Variants in DOK6 observed in about 807,000 individuals in gnomAD.
DOK6 encodes the protein downstream of tyrosine kinase 6.
DOK6 carries 22 observed loss-of-function variants against 44.0 expected under a neutral mutation model. The ratio of observed to expected loss-of-function variants is 0.50; its 90% CI spans 0.36 to 0.71. The LOEUF is 0.71. Ranked by LOEUF, DOK6 falls within the 30% of genes least tolerant of loss-of-function variation. The probability of loss-of-function intolerance (pLI) is 0.00; values close to 1 mark genes in which losing one functional copy is unlikely to be tolerated. For synonymous variants in DOK6, 166 were observed against 145.5 expected (o/e 1.14, Z -1.01); for missense variants, 340 against 416.4 (o/e 0.82, Z 1.60).
intron 3 of DOK6, among the ~76,000 whole-genome samples, chr18:69,606,320 AT>A (rs1232120093): frequency 2.5e-3 from 294 of 117,630 alleles, no homozygotes; most frequent in African/African-American, 8.0e-3. Context: ...AAATAAATAA[AT>A]AAATAAAATT....
At chr18:69,469,866 C>A in intron 1 of DOK6, 1 of 234,132 alleles carries the variant, frequency 4.3e-6, no homozygotes, top group South Asian at 4.1e-5. Flanking sequence ...CTGTTTGTGC[C>A]GACCCTTCCC....
chr18:69,449,521 C>T (rs1474856343), intron 1 of DOK6, among the ~76,000 whole-genome samples: 1 of 152,184 alleles, frequency 6.6e-6, no homozygotes, highest in Non-Finnish European at 1.5e-5. Context: ...TTTATTGGGT[C>T]TTAAATAATA....
chr18:69,605,127 T>TGTGTGTGTGTGTGTGTG (rs1983967051), intron 3 of DOK6, among the ~76,000 whole-genome samples: 2 of 149,654 alleles, frequency 1.3e-5, no homozygotes, highest in East Asian at 2.0e-4. Context: ...TGTGTGTGTG[T>TGTGTGTGTGTGTGTGTG]TTCAGAATCA....
chr18:69,475,055 G>A (rs1980222179), intron 1 of DOK6, among the ~76,000 whole-genome samples: 2 of 151,962 alleles, frequency 1.3e-5, no homozygotes, highest in African/African-American at 4.8e-5. Context: ...ATTTTGCATT[G>A]ACTTTAACAT....
At chr18:69,686,945 A>G (rs185356471) in intron 4 of DOK6, among the ~76,000 whole-genome samples, 29 of 152,332 alleles carry the variant, frequency 1.9e-4, no homozygotes, top group African/African-American at 6.7e-4. Context: ...TCCAATACAT[A>G]AACTTTAGTT....
intron 4 of DOK6, among the ~76,000 whole-genome samples, chr18:69,684,246 A>G (rs1167799642): frequency 6.6e-6 from 1 of 152,210 alleles, no homozygotes; most frequent in Non-Finnish European, 1.5e-5. Flanking sequence ...AAAAAGGTCA[A>G]AGCTATATTT....
intron 4 of DOK6, among the ~76,000 whole-genome samples, 177 bp from the exon 5 acceptor site, chr18:69,698,227 A>C (rs898337316): frequency 6.6e-6 from 1 of 152,038 alleles, no homozygotes; most frequent in African/African-American, 2.4e-5. Context: ...ACTTTAATGA[A>C]CTCCTTTTCT....
chr18:69,793,386 A>G (rs1735037809), intron 7 of DOK6, among the ~76,000 whole-genome samples: 1 of 152,170 alleles, frequency 6.6e-6, no homozygotes, highest in African/African-American at 2.4e-5. Context: ...AAACATAAAG[A>G]AAGTGTTGGC....
At chr18:69,818,363 A>C (rs1029250357) in intron 7 of DOK6, among the ~76,000 whole-genome samples, 2 of 152,170 alleles carry the variant, frequency 1.3e-5, no homozygotes, top group Non-Finnish European at 2.9e-5. Flanking sequence ...TCAGGCAAAG[A>C]AGCAGAACCA....
At chr18:69,701,408 A>G (rs1986517513) in intron 5 of DOK6, among the ~76,000 whole-genome samples, 1 of 152,242 alleles carries the variant, frequency 6.6e-6, no homozygotes, top group African/African-American at 2.4e-5. Context: ...TCTCAAGATA[A>G]TCACAAAAAA....
intron 1 of DOK6, among the ~76,000 whole-genome samples, chr18:69,527,290 G>A (rs62095325): frequency 0.35 from 53,420 of 152,096 alleles, 11,309 homozygotes; most frequent in Non-Finnish European, 0.49. Flanking sequence ...CTGAGACTGG[G>A]TAATTTATAA....
At chr18:69,476,017 T>C (rs1279761732) in intron 1 of DOK6, among the ~76,000 whole-genome samples, 1 of 152,138 alleles carries the variant, frequency 6.6e-6, no homozygotes, top group East Asian at 1.9e-4. Flanking sequence ...CCAACCATTT[T>C]TCAGTCCTTG....
intron 7 of DOK6, among the ~76,000 whole-genome samples, chr18:69,837,183 T>C (rs1982077902): frequency 6.6e-6 from 1 of 152,110 alleles, no homozygotes; most frequent in Non-Finnish European, 1.5e-5. Flanking sequence ...GACTAGGTAA[T>C]TAATAAGAAA....
intron 5 of DOK6, among the ~76,000 whole-genome samples, chr18:69,706,018 C>G (rs12963023): frequency 0.071 from 10,829 of 152,074 alleles, 564 homozygotes; most frequent in African/African-American, 0.14. Context: ...TCAATACATG[C>G]AGGTTCTCAA....
intron 7 of DOK6, among the ~76,000 whole-genome samples, chr18:69,840,120 C>T (rs998571204): frequency 1.3e-5 from 2 of 152,202 alleles, no homozygotes; most frequent in Admixed American, 6.5e-5. Flanking sequence ...GGCAATAGAA[C>T]AGGCTGAAAG....
In DOK6 at chr18:69,584,036, A is replaced by G. The variant is rs547015554; in HGVS notation, c.175-15348A>G. Among the ~76,000 whole-genome samples the G allele has an allele frequency of 3.4e-5, 5 of 146,366 alleles. No individual in the cohort carries two copies. The Admixed American group carries it at 3.5e-4, about 10-fold the overall frequency. The stretch of plus-strand genomic sequence containing the variant: ...GGCAGGAGAATGGCGTGAACCCGGG[A>G]GGCGGAGCTTGCAGTGAGCCGAGAT... On this transcript the variant is annotated intron_variant, in intron 2 of 7. Coordinates refer to ENST00000382713, the MANE Select transcript of DOK6 (RefSeq NM_152721.6).
chr18:69,425,493 T>C (rs1450810057), intron 1 of DOK6, among the ~76,000 whole-genome samples: 4 of 152,078 alleles, frequency 2.6e-5, no homozygotes, highest in African/African-American at 9.7e-5. Context: ...AATTAATTTG[T>C]TCTCAATTAT....
At chr18:69,448,364 TA>T (rs1250335269) in intron 1 of DOK6, among the ~76,000 whole-genome samples, 2 of 152,150 alleles carry the variant, frequency 1.3e-5, no homozygotes, top group Non-Finnish European at 2.9e-5. Flanking sequence ...ATTCTTTTTT[TA>T]TTTTTATTTT....
At chr18:69,781,573 AC>A (rs1980268347) in intron 7 of DOK6, among the ~76,000 whole-genome samples, 1 of 152,156 alleles carries the variant, frequency 6.6e-6, no homozygotes, top group South Asian at 2.1e-4. Flanking sequence ...TCTATTACTA[AC>A]CGTTTCTGCA....
Sources: gnomAD v4.1 joint callset for allele counts (sites outside exome capture counted in the v4.1 genomes callset) on GRCh38, gnomAD v4.1.1 for gene constraint, MANE v1.5 for transcripts, NCBI Gene and HGNC (gene_info 2026-07-23, HGNC 2026-07-21) for gene names.